Variants in LRFN2 observed in about 807,000 individuals in gnomAD.
LRFN2 encodes leucine-rich repeat and fibronectin type-III domain-containing protein 2.
A neutral mutation model predicts 37.3 loss-of-function variants in LRFN2; 18 were observed. That is an observed-to-expected ratio of 0.48 (90% CI 0.33 to 0.72). The LOEUF (loss-of-function observed/expected upper bound fraction) is 0.72. LRFN2 is among the 30% of genes least tolerant of loss of function. The probability of loss-of-function intolerance (pLI) is 0.02; values close to 1 mark genes in which losing one functional copy is unlikely to be tolerated. For missense variants in LRFN2, 1,006 were observed against 1,060.7 expected (o/e 0.95, Z 0.72); for synonymous variants, 556 against 466.6 (o/e 1.19, Z -2.47).
At chr6:40,446,105 G>A (rs550514634) in intron 1 of LRFN2, among the ~76,000 whole-genome samples, 3 of 152,160 alleles carry the variant, frequency 2.0e-5, no homozygotes, top group South Asian at 2.1e-4. Context: ...AGCACCTCCT[G>A]GGGACCTCAC....
At chr6:40,478,661 C>T (rs1321932744) in intron 1 of LRFN2, among the ~76,000 whole-genome samples, 1 of 152,218 alleles carries the variant, frequency 6.6e-6, no homozygotes, top group African/African-American at 2.4e-5. Flanking sequence ...TGGTCAGTAG[C>T]TGAGCCAGGG....
At chr6:40,540,554 C>T (rs1766534355) in intron 1 of LRFN2, among the ~76,000 whole-genome samples, 1 of 152,156 alleles carries the variant, frequency 6.6e-6, no homozygotes, top group African/African-American at 2.4e-5. Context: ...GTGCAGTTCT[C>T]TTGTGGATCT....
intron 1 of LRFN2, among the ~76,000 whole-genome samples, chr6:40,498,061 T>TAGG (rs1303960888): frequency 2.0e-5 from 3 of 152,054 alleles, no homozygotes; most frequent in Non-Finnish European, 4.4e-5. Flanking sequence ...TGGAGGAAAG[T>TAGG]GGCAAGAAGA....
intron 1 of LRFN2, among the ~76,000 whole-genome samples, chr6:40,521,126 A>G (rs1407613859): frequency 1.3e-5 from 2 of 152,166 alleles, no homozygotes; most frequent in Non-Finnish European, 2.9e-5. Context: ...GAGAGAGAAG[A>G]GGAGGGGACA....
chr6:40,496,389 C>A (rs767614177), intron 1 of LRFN2, among the ~76,000 whole-genome samples: 1 of 152,180 alleles, frequency 6.6e-6, no homozygotes, highest in Non-Finnish European at 1.5e-5. Context: ...TCCCGCTGCA[C>A]CAGGGGTAAA....
At chr6:40,474,995 C>A (rs1764678888) in intron 1 of LRFN2, among the ~76,000 whole-genome samples, 1 of 152,262 alleles carries the variant, frequency 6.6e-6, no homozygotes, top group South Asian at 2.1e-4. Context: ...CAAGGGTGGT[C>A]CTGAAGAGAC....
At chr6:40,486,382 T>C (rs535115843) in intron 1 of LRFN2, among the ~76,000 whole-genome samples, 5 of 152,278 alleles carry the variant, frequency 3.3e-5, no homozygotes, top group African/African-American at 1.2e-4. Context: ...CAATAAGAGC[T>C]GGATGCATCT....
intron 1 of LRFN2, among the ~76,000 whole-genome samples, chr6:40,533,185 T>C (rs998165099): frequency 8.5e-5 from 13 of 152,176 alleles, no homozygotes; most frequent in Admixed American, 4.6e-4. Flanking sequence ...TCTCTGTCTC[T>C]CTTTCTCTCT....
In LRFN2 at chr6:40,413,976, CA is replaced by C. The variant is rs1369593014; in HGVS notation, c.1400+17737del. Among the ~76,000 whole-genome samples the C allele has an allele frequency of 2.6e-5, 4 of 152,248 alleles. No individual in the cohort carries two copies. The East Asian group carries it at 7.7e-4, about 29-fold the overall frequency. On this transcript the variant is annotated intron_variant, in intron 2 of 2. Transcript: ENST00000338305. ...GGGACAGGGTTGAAGGAAATGGGCT[CA>C]CTGGCCTCTATTTTGAAGACATTAC...
chr6:40,450,542 C>T (rs1764080094), intron 1 of LRFN2, among the ~76,000 whole-genome samples: 2 of 152,222 alleles, frequency 1.3e-5, no homozygotes, highest in South Asian at 4.1e-4. Context: ...ATGGGGGATG[C>T]AACCGTGCTG....
At chr6:40,494,686 C>T (rs1765181405) in intron 1 of LRFN2, among the ~76,000 whole-genome samples, 1 of 152,034 alleles carries the variant, frequency 6.6e-6, no homozygotes, top group African/African-American at 2.4e-5. Context: ...CTCACAAGGC[C>T]ACAATCTAGA....
chr6:40,580,847 G>A (rs1286815017), intron 1 of LRFN2, among the ~76,000 whole-genome samples: 5 of 152,214 alleles, frequency 3.3e-5, no homozygotes, highest in Non-Finnish European at 7.3e-5. Context: ...ATGAATGTGT[G>A]CATGTATGAA....
chr6:40,444,424 T>A (rs1433147077), intron 1 of LRFN2, among the ~76,000 whole-genome samples: 2 of 152,180 alleles, frequency 1.3e-5, no homozygotes, highest in East Asian at 3.9e-4. Flanking sequence ...GCTGACAGGC[T>A]GATCAGATAA....
In LRFN2 at chr6:40,392,526, G is replaced by A. The variant is rs200804161; in HGVS notation, c.1787C>T (p.Pro596Leu). 3.3e-3 allele frequency: 5,275 copies of A among 1,588,518 alleles called. 28 individuals carry two copies. Among genetic ancestry groups the A allele is most frequent in the South Asian group, 5.0e-3 (450 of 89,364 alleles). ...PPSSAPAGAP[P>L]QGPPKVVVRN... is the part of the protein sequence containing the mutation. ...CACCACCACCTTCGGCGGGCCCTGCGGCGGGGCCCCGGCTGGTGCGCTGCT... is the reference window on the plus strand; with the variant it reads ...CACCACCACCTTCGGCGGGCCCTGCAGCGGGGCCCCGGCTGGTGCGCTGCT... Residue 596 changes from proline to leucine, a missense_variant, in exon 3 of 3, where the codon CCG (proline) becomes CTG (leucine). Coordinates refer to ENST00000338305, the MANE Select transcript of LRFN2 (RefSeq NM_020737.3). The surrounding 1 kb of genome is among the most constrained non-coding windows in gnomAD (Gnocchi z 4.7).
At chr6:40,466,062 G>A (rs1043305138) in intron 1 of LRFN2, among the ~76,000 whole-genome samples, 7 of 152,162 alleles carry the variant, frequency 4.6e-5, no homozygotes, top group Non-Finnish European at 1.0e-4. Flanking sequence ...GAAGACTTGA[G>A]GCTCTCAGCT....
At chr6:40,497,326 A>T (rs953186531) in intron 1 of LRFN2, among the ~76,000 whole-genome samples, 1 of 152,020 alleles carries the variant, frequency 6.6e-6, no homozygotes. Context: ...CTCTTAGTCA[A>T]CCAGGCCCAA....
At chr6:40,556,005 T>A (rs1244530924) in intron 1 of LRFN2, among the ~76,000 whole-genome samples, 1 of 152,242 alleles carries the variant, frequency 6.6e-6, no homozygotes, top group South Asian at 2.1e-4. Flanking sequence ...TCAACAATAA[T>A]GATACAGGGA....
intron 1 of LRFN2, among the ~76,000 whole-genome samples, chr6:40,573,529 G>T (rs1036436952): frequency 6.6e-6 from 1 of 152,224 alleles, no homozygotes; most frequent in Non-Finnish European, 1.5e-5. Flanking sequence ...GCTAAGAGAG[G>T]CTCCATCCCC....
rs1014308967 is a variant in LRFN2 at position 40,539,092 on chromosome 6, C to A, written c.-19+47849G>T. ...ACTCCATCTTCTACCCTCTCAGCCC[C>A]AAAACCATCCCCATCCCCCTCCTTG... On this transcript the variant is annotated intron_variant, in intron 1 of 2. Coordinates refer to ENST00000338305, the MANE Select transcript of LRFN2 (RefSeq NM_020737.3). Among the ~76,000 whole-genome samples the A allele has an allele frequency of 4.6e-5, 7 of 152,192 alleles. No individual in the cohort carries two copies. In the East Asian group the frequency reaches 1.2e-3, roughly 25 times the overall value.
Sources: allele counts gnomAD v4.1 joint callset (sites outside exome capture counted in the v4.1 genomes callset), GRCh38; gene constraint gnomAD v4.1.1; non-coding constraint Gnocchi (gnomAD v3.1); transcripts MANE v1.5; gene names NCBI Gene and HGNC (gene_info 2026-07-23, HGNC 2026-07-21).